PDGFB: variants seen among roughly 807,000 people sequenced by gnomAD.
PDGFB encodes the protein platelet-derived growth factor subunit B.
In PDGFB, 6 loss-of-function variants were observed where a neutral mutation model predicts 29.0. That is an observed-to-expected ratio of 0.21 (90% confidence interval 0.11 to 0.41). PDGFB has a LOEUF of 0.41. Ranked by LOEUF, PDGFB falls within the 10% of genes least tolerant of loss-of-function variation. The pLI, the probability that PDGFB is intolerant of heterozygous loss-of-function variation, is 1.00. For synonymous variants in PDGFB, 144 were observed against 140.8 expected (o/e 1.02, Z -0.16); for missense variants, 299 against 341.8 (o/e 0.87, Z 0.99).
intron 1 of PDGFB, among the ~76,000 whole-genome samples, chr22:39,239,401 G>A (rs539768584): frequency 6.6e-6 from 1 of 152,128 alleles, no homozygotes; most frequent in African/African-American, 2.4e-5. Context: ...TCCGGGGCTG[G>A]GGGTGGGTGA....
intron 4 of PDGFB, 111 bp from the exon 5 acceptor site, chr22:39,230,339 C>T (rs938757173): frequency 1.5e-5 from 17 of 1,111,492 alleles, no homozygotes; most frequent in Middle Eastern, 2.3e-4. Context: ...AATCTTTCCT[C>T]GAAAGCCCGG....
At chr22:39,226,613 A>G (rs1022404651) in intron 5 of PDGFB, among the ~76,000 whole-genome samples, 1 of 152,376 alleles carries the variant, frequency 6.6e-6, no homozygotes, top group South Asian at 2.1e-4. Context: ...AGCTCCAAGT[A>G]TGAAGTGGTC....
At chr22:39,238,222 C>T (rs993637110) in intron 1 of PDGFB, among the ~76,000 whole-genome samples, 2 of 152,154 alleles carry the variant, frequency 1.3e-5, no homozygotes, top group Admixed American at 6.5e-5. Flanking sequence ...AGTAGGTCCT[C>T]GGTAAATACT....
rs1388196523 is a variant in PDGFB, at chr22:39,242,585, C to T, written c.63+1316G>A. On this transcript the variant is annotated intron_variant, in intron 1 of 6. Transcript: ENST00000331163. The surrounding 1 kb of genome is among the most constrained non-coding windows in gnomAD (Gnocchi z 5.7). ...GGGGGGCGGCCGCGGAAGGGCGGGG[C>T]CCCCGGGCGGGCGGCCTGCGGCCCT... 7.3e-5 allele frequency among the ~76,000 whole-genome samples: 11 copies of T among 150,962 alleles called. No individual in the cohort carries two copies. The highest frequency in any genetic ancestry group is 6.6e-4 in the Admixed American group (10 of 15,184).
Position 39,232,341 on chromosome 22 carries a change from T to C in PDGFB, c.251-514A>G, listed in dbSNP as rs140543763. The stretch of plus-strand genomic sequence containing the variant: ...GGATAATAACAGCACCTCCCTCCCA[T>C]GTGGATCTAAGGTGTAAAGTGAGTA... On this transcript the variant is annotated intron_variant, in intron 3 of 6. Coordinates refer to ENST00000331163, the MANE Select transcript of PDGFB (RefSeq NM_002608.4). Among the ~76,000 whole-genome samples the C allele has an allele frequency of 4.4e-3, 667 of 152,252 alleles. 6 individuals are homozygous for C. Among genetic ancestry groups the C allele is most frequent in the African/African-American group, 0.016 (648 of 41,548 alleles).
Position 39,231,559 on chromosome 22 carries a change from C to T in PDGFB, c.456+63G>A, listed in dbSNP as rs1451995941. On this transcript the variant is annotated intron_variant, in intron 4 of 6. Coordinates refer to ENST00000331163, the MANE Select transcript of PDGFB (RefSeq NM_002608.4). The surrounding 1 kb of genome is among the most constrained non-coding windows in gnomAD (Gnocchi z 4.3). Reference sequence around the variant, plus strand: ...CAAGGAAGCCTGGTCAGGTATGAGCCCCAGAAGGGTGGTCTCCACCCACCA... The same window carrying T: ...CAAGGAAGCCTGGTCAGGTATGAGCTCCAGAAGGGTGGTCTCCACCCACCA... The T allele has an allele frequency of 1.6e-6, 2 of 1,243,914 alleles. No individual in the cohort carries two copies. The highest frequency in any genetic ancestry group is 2.2e-6 in the Non-Finnish European group (2 of 900,428). The allele number at this position is 1,243,914 out of a possible 1,614,324, so 77.1% of individuals were successfully genotyped here. A position where few individuals can be genotyped will look rare whatever the true frequency, so the allele number is the denominator to read the frequency against.
At chr22:39,230,997 C>T (rs1324683603) in intron 4 of PDGFB, among the ~76,000 whole-genome samples, 1 of 152,246 alleles carries the variant, frequency 6.6e-6, no homozygotes, top group Non-Finnish European at 1.5e-5. Context: ...CTAGAATTTT[C>T]CCTGAGTCCA....
In PDGFB at chr22:39,224,707, G is replaced by A. The variant is rs1018474018; in HGVS notation, c.*635C>T. On this transcript the variant is annotated 3_prime_UTR_variant, in exon 7 of 7. Transcript: ENST00000331163. ...GGGCACCCAGCCACTTGGTGTGCTG[G>A]CCACACCCACCAAGAGGAGTCCACG... The A allele has an allele frequency of 5.3e-5, 8 of 152,268 alleles. No individual in the cohort carries two copies. The highest frequency in any genetic ancestry group is 1.9e-4 in the African/African-American group (8 of 41,382). The allele number at this position is 152,268 out of a possible 1,614,324, so 9.4% of individuals were successfully genotyped here.
rs1195054946 is a variant in PDGFB, at chr22:39,244,719, T to TCTGCGGGCTGCGGG, written c.-770_-757dup. 1 of 180,818 alleles carries TCTGCGGGCTGCGGG rather than the reference T, an allele frequency of 5.5e-6. No individual in the cohort carries two copies. The highest frequency in any genetic ancestry group is 8.3e-5 in the East Asian group (1 of 12,024). The allele number at this position is 180,818 out of a possible 1,614,324, so 11.2% of individuals were successfully genotyped here. On this transcript the variant is annotated 5_prime_UTR_variant, in exon 1 of 7. Coordinates refer to ENST00000331163, the MANE Select transcript of PDGFB (RefSeq NM_002608.4). This position sits in a 1 kb window ranked among gnomAD's most constrained non-coding sequence, Gnocchi z 4.5. ...CGCCCGCTCGCCGCTCTGGGCGTCC[T>TCTGCGGGCTGCGGG]CTGCGGGCTGCGGGCTGCGAGCTGC... is the stretch of plus-strand genomic sequence containing the variant.
chr22:39,235,405 C>T (rs1932417279), intron 2 of PDGFB, among the ~76,000 whole-genome samples: 1 of 152,228 alleles, frequency 6.6e-6, no homozygotes, highest in Admixed American at 6.5e-5. Flanking sequence ...ACCTCACAGA[C>T]CGGGCCCCTA....
rs752604964 is a variant in PDGFB at position 39,231,580 on chromosome 22, CA to C, written c.456+41del. ...GAGCCCCAGAAGGGTGGTCTCCACCCACCACCGGGACCAGCCTCGGGGGGCC... is the reference window on the plus strand; with the variant it reads ...GAGCCCCAGAAGGGTGGTCTCCACCCCCACCGGGACCAGCCTCGGGGGGCC... On this transcript the variant is annotated intron_variant, in intron 4 of 6. Transcript: ENST00000331163. This position sits in a 1 kb window ranked among gnomAD's most constrained non-coding sequence, Gnocchi z 4.3. The C allele has an allele frequency of 2.1e-6, 3 of 1,438,824 alleles. No individual in the cohort carries two copies. The South Asian group carries it at 3.9e-5, about 19-fold the overall frequency. 89.1% of individuals were successfully genotyped at this position (1,438,824 alleles called of 1,614,324 possible). A position where few individuals can be genotyped will look rare whatever the true frequency, so the allele number is the denominator to read the frequency against.
chr22:39,233,964 G>T (rs187395490), intron 2 of PDGFB, among the ~76,000 whole-genome samples: 1 of 140,068 alleles, frequency 7.1e-6, no homozygotes, highest in Non-Finnish European at 1.5e-5. Context: ...CCTGAACACA[G>T]CCCCTCTGGA....
At chr22:39,227,567 A>G (rs926316933) in intron 5 of PDGFB, among the ~76,000 whole-genome samples, 2 of 152,090 alleles carry the variant, frequency 1.3e-5, no homozygotes, top group African/African-American at 4.8e-5. Flanking sequence ...TGTTACCCAC[A>G]CTTTACAGAT....
At chr22:39,236,582 A>T (rs1488165350) in intron 1 of PDGFB, among the ~76,000 whole-genome samples, 2 of 152,150 alleles carry the variant, frequency 1.3e-5, no homozygotes, top group African/African-American at 4.8e-5. Flanking sequence ...ACATACTCGA[A>T]ACCTGATAAC....
rs988620631 is a variant in PDGFB at position 39,223,676 on chromosome 22, C to T, written c.*1666G>A. ...ACGATGCCAACAGACAGACCTCCGGCGGATTCATTTGGTTTTGTTTTGTGG... is the reference window on the plus strand; with the variant it reads ...ACGATGCCAACAGACAGACCTCCGGTGGATTCATTTGGTTTTGTTTTGTGG... On this transcript the variant is annotated 3_prime_UTR_variant, in exon 7 of 7. Transcript: ENST00000331163. 1 of 152,714 alleles carries T rather than the reference C, an allele frequency of 6.5e-6. No homozygotes were observed. The highest frequency in any genetic ancestry group is 1.5e-5 in the Non-Finnish European group (1 of 68,038). 9.5% of individuals were successfully genotyped at this position (152,714 alleles called of 1,614,324 possible). A position where few individuals can be genotyped will look rare whatever the true frequency, so the allele number is the denominator to read the frequency against.
At position 39,243,822 on chromosome 22, in the gene PDGFB, A is replaced by G. The variant is rs1932628032; in HGVS notation, c.63+79T>C. On this transcript the variant is annotated intron_variant, in intron 1 of 6. Transcript: ENST00000331163. This position sits in a 1 kb window ranked among gnomAD's most constrained non-coding sequence, Gnocchi z 6.4. The stretch of plus-strand genomic sequence containing the variant: ...GCTGCAAGGGTCCAAAGTTCACTGC[A>G]GGGAGAGGAGGGGGCGGTCAGAAGG... 7.6e-6 allele frequency: 9 copies of G among 1,179,286 alleles called. No individual in the cohort carries two copies. The highest frequency in any genetic ancestry group is 1.5e-5 in the African/African-American group (1 of 64,726). 73.1% of individuals were successfully genotyped at this position (1,179,286 alleles called of 1,614,324 possible). A position where few individuals can be genotyped will look rare whatever the true frequency, so the allele number is the denominator to read the frequency against.
intron 5 of PDGFB, among the ~76,000 whole-genome samples, chr22:39,228,045 A>C (rs1465451879): frequency 6.6e-6 from 1 of 152,186 alleles, no homozygotes; most frequent in Non-Finnish European, 1.5e-5. Context: ...AGGTCACCAC[A>C]CAGCTCAAGT....
chr22:39,225,809 G>T lies in PDGFB; in HGVS notation c.640C>A (p.Arg214=). ...PQTRVTIRTV[R]VRRPPKGKHR... The stretch of plus-strand genomic sequence containing the variant: ...TTGCCCTTGGGGGGCCGGCGGACTC[G>T]CACCGTCCGAATGGTCACCCGAGTT... Residue 214 remains arginine (R), a synonymous_variant, in exon 6 of 7, where the codon CGA becomes AGA. Coordinates refer to ENST00000331163, the MANE Select transcript of PDGFB (RefSeq NM_002608.4). 1 of 1,613,964 alleles carries T rather than the reference G, an allele frequency of 6.2e-7. No homozygotes were observed. The highest frequency in any genetic ancestry group is 8.5e-7 in the Non-Finnish European group (1 of 1,179,898).
intron 5 of PDGFB, among the ~76,000 whole-genome samples, chr22:39,226,894 G>T (rs768905638): frequency 1.3e-5 from 2 of 152,216 alleles, no homozygotes; most frequent in Non-Finnish European, 1.5e-5. Context: ...TCAAATCTGG[G>T]CTCTCCCACG....
Sources: gnomAD v4.1 joint callset for allele counts (sites outside exome capture counted in the v4.1 genomes callset) on GRCh38, gnomAD v4.1.1 for gene constraint, Gnocchi (gnomAD v3.1) non-coding constraint, MANE v1.5 for transcripts, NCBI Gene and HGNC (gene_info 2026-07-23, HGNC 2026-07-21) for gene names.